The following DGKB variants were observed in gnomAD, a reference collection of about 807,000 sequenced individuals.
DGKB encodes diacylglycerol kinase beta.
Under a neutral mutation model 114.3 loss-of-function variants are expected in DGKB, and 67 were observed. That is an observed-to-expected ratio of 0.59 (90% CI 0.48 to 0.72). The LOEUF (loss-of-function observed/expected upper bound fraction) is 0.72. Among genes scored for constraint, DGKB ranks in the 30% least tolerant of loss-of-function variants. The pLI is 0.00. For missense variants in DGKB, 907 were observed against 975.2 expected (o/e 0.93, Z 0.93); for synonymous variants, 398 against 323.1 (o/e 1.23, Z -2.49).
At chr7:14,643,331 C>G (rs1303607854) in intron 13 of DGKB, among the ~76,000 whole-genome samples, 2 of 144,940 alleles carry the variant, frequency 1.4e-5, no homozygotes, top group African/African-American at 5.0e-5. Flanking sequence ...AGAGAGTTTC[C>G]TGGAGTTCAC....
intron 23 of DGKB, among the ~76,000 whole-genome samples, chr7:14,263,710 T>G (rs2128417514): frequency 6.6e-6 from 1 of 152,306 alleles, no homozygotes; most frequent in African/African-American, 2.4e-5. Context: ...TTCATAAAGT[T>G]AAAGGCAAGA....
intron 25 of DGKB, chr7:14,176,317 G>GTGTC: frequency 2.1e-6 from 2 of 944,476 alleles, no homozygotes; most frequent in South Asian, 9.9e-5. Context: ...GAGAGGGGCA[G>GTGTC]TGTCTGCCTT....
intron 20 of DGKB, among the ~76,000 whole-genome samples, chr7:14,560,938 T>G (rs1392708572): frequency 6.6e-6 from 1 of 152,210 alleles, no homozygotes; most frequent in Non-Finnish European, 1.5e-5. Context: ...ATTTCCCTGA[T>G]GATTAATAAT....
intron 13 of DGKB, among the ~76,000 whole-genome samples, chr7:14,641,371 G>T (rs1397713535): frequency 6.6e-6 from 1 of 151,724 alleles, no homozygotes; most frequent in Non-Finnish European, 1.5e-5. Flanking sequence ...AAGATTTGTT[G>T]TTGCTGTTGT....
At chr7:14,681,291 T>C (rs1820785085) in intron 12 of DGKB, among the ~76,000 whole-genome samples, 2 of 152,038 alleles carry the variant, frequency 1.3e-5, no homozygotes, top group Non-Finnish European at 2.9e-5. Context: ...AATGAGAAAA[T>C]TTCAAATGTA....
intron 6 of DGKB, among the ~76,000 whole-genome samples, chr7:14,702,580 G>A (rs1825388164): frequency 6.6e-6 from 1 of 152,156 alleles, no homozygotes; most frequent in South Asian, 2.1e-4. Flanking sequence ...AGGAGGCTGT[G>A]GAGGAGGCCA....
At chr7:14,940,406 C>A (rs1785508653) in intron 1 of DGKB, among the ~76,000 whole-genome samples, 1 of 150,816 alleles carries the variant, frequency 6.6e-6, no homozygotes, top group Non-Finnish European at 1.5e-5. Context: ...TAATTGAGTA[C>A]AATTTTTTTG....
At chr7:14,251,547 A>G (rs190112039) in intron 23 of DGKB, among the ~76,000 whole-genome samples, 1 of 152,170 alleles carries the variant, frequency 6.6e-6, no homozygotes, top group Non-Finnish European at 1.5e-5. Flanking sequence ...CTATCACTAC[A>G]GTATTAGAGT....
chr7:14,566,171 T>C (rs557419531), intron 20 of DGKB, among the ~76,000 whole-genome samples: 1 of 152,286 alleles, frequency 6.6e-6, no homozygotes, highest in South Asian at 2.1e-4. Flanking sequence ...AATATAAATG[T>C]AATGCTGAAA....
At chr7:14,889,424 C>T (rs1047096473) in intron 1 of DGKB, among the ~76,000 whole-genome samples, 4 of 151,670 alleles carry the variant, frequency 2.6e-5, no homozygotes, top group African/African-American at 9.6e-5. Context: ...ATAAACACCT[C>T]TGCATTTTAT....
At position 14,208,318 on chromosome 7, in the gene DGKB, G is replaced by A. The variant is rs972064243; in HGVS notation, c.2123-30167C>T. Among the ~76,000 whole-genome samples the A allele has an allele frequency of 9.2e-5, 14 of 151,858 alleles. No individual in the cohort carries two copies. In the East Asian group the frequency reaches 2.0e-3, roughly 21 times the overall value. ...ACAGGAATAGTGGGGACTAGTATTC[G>A]GGTTTTTAAACTGCTGGTGGAAGTG... is the stretch of plus-strand genomic sequence containing the variant. On this transcript the variant is annotated intron_variant, in intron 23 of 25. Coordinates refer to ENST00000402815, the MANE Select transcript of DGKB (RefSeq NM_001350709.2).
At chr7:14,678,569 A>G (rs1820286046) in intron 12 of DGKB, among the ~76,000 whole-genome samples, 2 of 152,044 alleles carry the variant, frequency 1.3e-5, no homozygotes, top group African/African-American at 4.8e-5. Context: ...AGTTATGTTT[A>G]GGTTTGATTC....
intron 23 of DGKB, among the ~76,000 whole-genome samples, chr7:14,256,614 T>C (rs1487730010): frequency 6.6e-6 from 1 of 152,184 alleles, no homozygotes. Flanking sequence ...CAGGTTGTTA[T>C]GATAGTTAAT....
intron 2 of DGKB, among the ~76,000 whole-genome samples, chr7:14,766,893 G>A (rs377477242): frequency 1.8e-4 from 28 of 151,750 alleles, no homozygotes; most frequent in African/African-American, 6.8e-4. Context: ...CAAGTTAAAT[G>A]AGGAGCAGAT....
intron 1 of DGKB, among the ~76,000 whole-genome samples, chr7:14,933,747 A>C (rs1398846966): frequency 1.3e-5 from 2 of 152,090 alleles, no homozygotes. Context: ...CAGAATACAA[A>C]TTTCCTCGTT....
At chr7:14,947,725 G>C (rs926334020) in intron 1 of DGKB, among the ~76,000 whole-genome samples, 2 of 151,602 alleles carry the variant, frequency 1.3e-5, no homozygotes, top group African/African-American at 4.8e-5. Context: ...AGTTGCATTA[G>C]ATGAGTGGTA....
intron 1 of DGKB, among the ~76,000 whole-genome samples, chr7:14,922,537 G>A (rs1476120840): frequency 1.3e-5 from 2 of 151,618 alleles, no homozygotes; most frequent in African/African-American, 4.8e-5. Context: ...GAGAAGTTGG[G>A]GAATTCTTTA....
chr7:14,520,259 TTCTTA>T (rs1270683987), intron 20 of DGKB, among the ~76,000 whole-genome samples: 1 of 149,930 alleles, frequency 6.7e-6, no homozygotes, highest in African/African-American at 2.4e-5. Flanking sequence ...TTTGTCGGTT[TTCTTA>T]TCTTATAAAA....
intron 2 of DGKB, among the ~76,000 whole-genome samples, chr7:14,828,417 T>C (rs1016105607): frequency 4.6e-5 from 7 of 152,198 alleles, no homozygotes; most frequent in Admixed American, 2.6e-4. Flanking sequence ...CGATGTGTCT[T>C]ATTGAAAGCT....
Sources: allele counts gnomAD v4.1 joint callset (sites outside exome capture counted in the v4.1 genomes callset), GRCh38; gene constraint gnomAD v4.1.1; transcripts MANE v1.5; gene names NCBI Gene and HGNC (gene_info 2026-07-23, HGNC 2026-07-21).